The following ZNF385D variants were observed in gnomAD, a reference collection of about 807,000 sequenced individuals.
ZNF385D encodes zinc finger protein 385D, also known as zinc finger protein 659.
In ZNF385D, 15 loss-of-function variants were observed where a neutral mutation model predicts 35.8. The observed-to-expected ratio is 0.42, with a 90% CI of 0.28 to 0.64. The LOEUF (loss-of-function observed/expected upper bound fraction) is 0.64. ZNF385D is among the 30% of genes least tolerant of loss of function. ZNF385D has a pLI of 0.23. For synonymous variants in ZNF385D, 212 were observed against 186.8 expected (o/e 1.13, Z -1.10); for missense variants, 474 against 494.6 (o/e 0.96, Z 0.39).
chr3:21,948,396 TGAC>T (rs1187703888), intron 3 of ZNF385D, among the ~76,000 whole-genome samples: 1 of 152,088 alleles, frequency 6.6e-6, no homozygotes, highest in Non-Finnish European at 1.5e-5. Context: ...TTCTTTGCAT[TGAC>T]AAGTTTTTCC....
intron 2 of ZNF385D, among the ~76,000 whole-genome samples, chr3:22,370,029 A>G (rs1448153724): frequency 6.6e-6 from 1 of 152,200 alleles, no homozygotes; most frequent in Non-Finnish European, 1.5e-5. Flanking sequence ...TGTTTTCTTG[A>G]ATTGCAAACA....
At chr3:22,315,977 G>A (rs1703865680) in intron 2 of ZNF385D, among the ~76,000 whole-genome samples, 1 of 152,154 alleles carries the variant, frequency 6.6e-6, no homozygotes, top group Non-Finnish European at 1.5e-5. Context: ...GAGGTCACAA[G>A]ATGTGTGACT....
chr3:21,595,010 C>A (rs892190820), intron 2 of ZNF385D, among the ~76,000 whole-genome samples: 3 of 152,078 alleles, frequency 2.0e-5, no homozygotes, highest in Non-Finnish European at 4.4e-5. Flanking sequence ...CTTTTTATAA[C>A]CAGCATTAAC....
At chr3:22,279,482 T>C (rs1446373269) in intron 2 of ZNF385D, among the ~76,000 whole-genome samples, 1 of 129,042 alleles carries the variant, frequency 7.7e-6, no homozygotes, top group African/African-American at 2.9e-5. Context: ...TATATATATA[T>C]ATATGGAATA....
At chr3:21,728,213 A>C (rs2068846680) in intron 1 of ZNF385D, among the ~76,000 whole-genome samples, 1 of 151,852 alleles carries the variant, frequency 6.6e-6, no homozygotes, top group Non-Finnish European at 1.5e-5. Flanking sequence ...GCAGCAAACC[A>C]CCATGTCACG....
In ZNF385D at chr3:22,030,218, T is replaced by C. The variant is rs186399802; in HGVS notation, c.325+138599A>G. Among the ~76,000 whole-genome samples, 838 of 132,842 alleles carry C rather than the reference T, an allele frequency of 6.3e-3. 10 individuals are homozygous for C. Among genetic ancestry groups the C allele is most frequent in the African/African-American group, 0.022 (776 of 35,262 alleles). The allele number at this position is 132,842 out of a possible 152,430, so 87.1% of individuals were successfully genotyped here. A position where few individuals can be genotyped will look rare whatever the true frequency, so the allele number is the denominator to read the frequency against. ...AGCTTGAAGACAGCCTATTGTGGGA[T>C]CTTGCGATCATGCAAGTTAATACTT... On this transcript the variant is annotated intron_variant, in intron 3 of 5. Transcript: ENST00000494108.
At chr3:22,030,285 A>ATATATATATATATGTATG (rs1697895652) in intron 3 of ZNF385D, among the ~76,000 whole-genome samples, 3 of 86,742 alleles carry the variant, frequency 3.5e-5, no homozygotes, top group African/African-American at 1.1e-4. Context: ...ATATATATAT[A>ATATATATATATATGTATG]TATATATATA....
At chr3:21,688,355 C>G (rs2067176323) in intron 1 of ZNF385D, among the ~76,000 whole-genome samples, 1 of 151,598 alleles carries the variant, frequency 6.6e-6, no homozygotes, top group African/African-American at 2.4e-5. Context: ...TTGGTATGTC[C>G]AGTATTTATT....
At chr3:21,902,653 C>T (rs942251201) in intron 3 of ZNF385D, among the ~76,000 whole-genome samples, 2 of 152,090 alleles carry the variant, frequency 1.3e-5, no homozygotes, top group Non-Finnish European at 2.9e-5. Flanking sequence ...TCTTAAGTCA[C>T]TATTTTTATT....
At chr3:22,367,478 C>T (rs1434046461) in intron 2 of ZNF385D, among the ~76,000 whole-genome samples, 2 of 152,164 alleles carry the variant, frequency 1.3e-5, no homozygotes, top group Non-Finnish European at 2.9e-5. Context: ...CACCTGATAA[C>T]TCGGTCCAGT....
chr3:21,548,028 C>T (rs1176929324), intron 3 of ZNF385D, among the ~76,000 whole-genome samples: 1 of 152,096 alleles, frequency 6.6e-6, no homozygotes, highest in African/African-American at 2.4e-5. Context: ...GGGGAGGAGC[C>T]TGGCCCCTCC....
chr3:21,970,544 T>C (rs1275640705), intron 3 of ZNF385D, among the ~76,000 whole-genome samples: 1 of 151,942 alleles, frequency 6.6e-6, no homozygotes, highest in African/African-American at 2.4e-5. Context: ...GAATGAAGCA[T>C]GCTTGGAAAA....
chr3:21,946,370 G>C (rs571444644), intron 3 of ZNF385D, among the ~76,000 whole-genome samples: 290 of 152,184 alleles, frequency 1.9e-3, no homozygotes, highest in African/African-American at 6.7e-3. Context: ...ACATAAAGCA[G>C]TCTACATGGA....
chr3:22,217,370 C>T (rs577082506), intron 2 of ZNF385D, among the ~76,000 whole-genome samples: 7 of 152,242 alleles, frequency 4.6e-5, no homozygotes, highest in African/African-American at 1.7e-4. Context: ...TGAACACAAA[C>T]TTCTTCCTTC....
intron 2 of ZNF385D, among the ~76,000 whole-genome samples, chr3:22,280,428 C>G (rs1046619652): frequency 6.7e-6 from 1 of 149,294 alleles, no homozygotes; most frequent in Non-Finnish European, 1.5e-5. Context: ...AAAGTCTGAT[C>G]TTAAGCTGAC....
At chr3:21,973,388 T>G (rs965903169) in intron 3 of ZNF385D, among the ~76,000 whole-genome samples, 13 of 151,924 alleles carry the variant, frequency 8.6e-5, no homozygotes, top group Admixed American at 3.9e-4. Flanking sequence ...TAAAAAACTC[T>G]GAAAAACCTG....
At chr3:21,792,108 T>A (rs2071955065) in intron 3 of ZNF385D, among the ~76,000 whole-genome samples, 2 of 152,234 alleles carry the variant, frequency 1.3e-5, no homozygotes, top group African/African-American at 4.8e-5. Flanking sequence ...GCCCAAACTT[T>A]GGGACTTCTT....
chr3:22,001,952 A>T (rs1231823250), intron 3 of ZNF385D, among the ~76,000 whole-genome samples: 5 of 152,066 alleles, frequency 3.3e-5, no homozygotes, highest in African/African-American at 1.2e-4. Context: ...AAGCAGTAAG[A>T]GGGAAGTTTA....
chr3:21,552,786 A>T (rs950993976), intron 3 of ZNF385D, among the ~76,000 whole-genome samples: 1 of 152,226 alleles, frequency 6.6e-6, no homozygotes, highest in Non-Finnish European at 1.5e-5. Flanking sequence ...ATGCTGTTTA[A>T]ATCATAATCC....
Sources: gnomAD v4.1 joint callset for allele counts (sites outside exome capture counted in the v4.1 genomes callset) on GRCh38, gnomAD v4.1.1 for gene constraint, MANE v1.5 for transcripts, NCBI Gene and HGNC (gene_info 2026-07-23, HGNC 2026-07-21) for gene names.